Variants in OSBPL10 observed in about 807,000 individuals in gnomAD.
The protein encoded by OSBPL10 is oxysterol-binding protein-related protein 10.
OSBPL10 carries 49 observed loss-of-function variants against 81.7 expected under a neutral mutation model. The ratio of observed to expected loss-of-function variants is 0.60; its 90% CI spans 0.48 to 0.76. OSBPL10 has a LOEUF of 0.76. Among genes scored for constraint, OSBPL10 ranks in the 30% least tolerant of loss-of-function variants. OSBPL10 has a pLI of 0.00. For synonymous variants in OSBPL10, 419 were observed against 383.6 expected (o/e 1.09, Z -1.08); for missense variants, 923 against 987.8 (o/e 0.93, Z 0.88).
At chr3:31,710,372 C>T (rs1696212276) in intron 6 of OSBPL10, among the ~76,000 whole-genome samples, 6 of 152,152 alleles carry the variant, frequency 3.9e-5, no homozygotes, top group Non-Finnish European at 8.8e-5. Context: ...GAGGTTGCTG[C>T]TAACACTCCT....
chr3:31,768,866 T>C (rs76775361), intron 4 of OSBPL10, among the ~76,000 whole-genome samples: 4,104 of 152,310 alleles, frequency 0.027, 196 homozygotes, highest in African/African-American at 0.093. Context: ...AGCATTCACA[T>C]TGGGTAGGTA....
chr3:31,929,983 A>G (rs966010809), intron 1 of OSBPL10, among the ~76,000 whole-genome samples: 3 of 125,214 alleles, frequency 2.4e-5, no homozygotes, highest in African/African-American at 6.0e-5. Flanking sequence ...TGGGTGATCA[A>G]GTGAGACCCT....
intron 2 of OSBPL10, among the ~76,000 whole-genome samples, chr3:32,043,155 A>G (rs1401467715): frequency 6.6e-6 from 1 of 152,154 alleles, no homozygotes; most frequent in Non-Finnish European, 1.5e-5. Flanking sequence ...AGCTGTTTAT[A>G]GACCTCCCCC....
chr3:31,735,562 A>G (rs778524768), intron 5 of OSBPL10, among the ~76,000 whole-genome samples: 1 of 152,190 alleles, frequency 6.6e-6, no homozygotes, highest in Non-Finnish European at 1.5e-5. Context: ...CCCATTGCTT[A>G]GTATGCTCAA....
intron 4 of OSBPL10, among the ~76,000 whole-genome samples, chr3:31,766,962 T>C (rs907187555): frequency 2.0e-5 from 3 of 152,130 alleles, no homozygotes; most frequent in Non-Finnish European, 2.9e-5. Context: ...GAAAAGCCAA[T>C]AGAATCTGCC....
chr3:31,845,351 C>T (rs1700602842), intron 3 of OSBPL10, among the ~76,000 whole-genome samples: 1 of 151,822 alleles, frequency 6.6e-6, no homozygotes, highest in Admixed American at 6.6e-5. Context: ...GGTAACTGGA[C>T]AAAAACTGAG....
At chr3:31,688,280 C>CTT (rs1700846159) in intron 7 of OSBPL10, among the ~76,000 whole-genome samples, 2 of 78,538 alleles carry the variant, frequency 2.5e-5, no homozygotes, top group Admixed American at 3.3e-4. Flanking sequence ...CTCTCTCTCT[C>CTT]TCTCACACAC....
intron 3 of OSBPL10, among the ~76,000 whole-genome samples, chr3:31,843,049 A>G (rs1030758096): frequency 3.9e-5 from 6 of 152,246 alleles, no homozygotes; most frequent in Non-Finnish European, 7.3e-5. Flanking sequence ...ACACCTCTCA[A>G]TCCACATTTT....
At chr3:31,949,667 CAAAAAAAAAAAAA>C (rs56002214) in intron 1 of OSBPL10, among the ~76,000 whole-genome samples, 91 of 26,252 alleles carry the variant, frequency 3.5e-3, no homozygotes, top group Admixed American at 2.5e-3. Flanking sequence ...GACTCTGTCT[CAAAAAAAAAAAAA>C]AAAAAAAAAA....
rs540751388 is a variant in OSBPL10 at position 31,999,349 on chromosome 3, A to G, written n.298+47142T>C. On this transcript the variant is annotated intron_variant and non_coding_transcript_variant, in intron 2 of 3. Transcript: ENST00000479173. ...GCTTTGGGAGACTTTTCAGATAAAAATATCAAAATCTTTTTTTTTTTTTTT... is the reference window on the plus strand; with the variant it reads ...GCTTTGGGAGACTTTTCAGATAAAAGTATCAAAATCTTTTTTTTTTTTTTT... Among the ~76,000 whole-genome samples the G allele has an allele frequency of 5.8e-4, 86 of 148,766 alleles. 1 individual carries two copies. The South Asian group carries it at 0.017, about 30-fold the overall frequency.
At chr3:31,966,278 TACA>T (rs1698399919) in intron 1 of OSBPL10, among the ~76,000 whole-genome samples, 1 of 150,356 alleles carries the variant, frequency 6.7e-6, no homozygotes, top group African/African-American at 2.4e-5. Flanking sequence ...AAAATAGAAA[TACA>T]ACATATCAAA....
Position 31,741,194 on chromosome 3 carries a change from T to C in OSBPL10, c.940+6716A>G, listed in dbSNP as rs972088262. On this transcript the variant is annotated intron_variant, in intron 5 of 11. Coordinates refer to ENST00000396556, the MANE Select transcript of OSBPL10 (RefSeq NM_017784.5). ...AATAAGATTGAAATTCACAAAAAGA[T>C]TGAATTTTCACTTGAAACCATTTAA... 2.8e-4 allele frequency among the ~76,000 whole-genome samples: 42 copies of C among 152,326 alleles called. 1 individual carries two copies. The highest frequency in any genetic ancestry group is 9.4e-4 in the African/African-American group (39 of 41,578).
chr3:31,958,582 A>C (rs1415089480), intron 1 of OSBPL10, among the ~76,000 whole-genome samples: 2 of 152,196 alleles, frequency 1.3e-5, no homozygotes, highest in African/African-American at 2.4e-5. Context: ...TCCCAAAAAA[A>C]GTCTTTATAT....
chr3:32,053,101 G>A (rs1699681640), intron 1 of OSBPL10, among the ~76,000 whole-genome samples: 1 of 152,180 alleles, frequency 6.6e-6, no homozygotes, highest in South Asian at 2.1e-4. Flanking sequence ...TCTGTCTGGT[G>A]TCCTAGGCTC....
intron 3 of OSBPL10, among the ~76,000 whole-genome samples, chr3:31,851,568 C>G (rs1046650435): frequency 6.6e-6 from 1 of 152,234 alleles, no homozygotes; most frequent in Admixed American, 6.5e-5. Context: ...CAGACCAGCA[C>G]GACTCACACG....
chr3:31,752,179 C>A (rs1177174639), intron 4 of OSBPL10, among the ~76,000 whole-genome samples: 1 of 152,188 alleles, frequency 6.6e-6, no homozygotes, highest in Non-Finnish European at 1.5e-5. Flanking sequence ...AACAGACTCA[C>A]CTAGATCTCC....
intron 3 of OSBPL10, among the ~76,000 whole-genome samples, chr3:31,843,216 T>C (rs147998066): frequency 6.6e-6 from 1 of 152,338 alleles, no homozygotes; most frequent in Non-Finnish European, 1.5e-5. Context: ...AATCTAGGCA[T>C]GCAAGAGAGA....
chr3:31,895,952 T>C lies in OSBPL10; in HGVS notation c.282-16122A>G, dbSNP rs143629817. Among the ~76,000 whole-genome samples the C allele has an allele frequency of 2.3e-3, 346 of 152,334 alleles. 2 individuals carry two copies. Among genetic ancestry groups the C allele is most frequent in the African/African-American group, 8.0e-3 (331 of 41,578 alleles). ...CCTGTTTCAGCAATGCACTCAGTAA[T>C]TGCTGAGAATAGTTCAACACTGCTG... On this transcript the variant is annotated intron_variant, in intron 1 of 11. Coordinates refer to ENST00000396556, the MANE Select transcript of OSBPL10 (RefSeq NM_017784.5).
chr3:31,675,636 C>A (rs981902682), intron 8 of OSBPL10, among the ~76,000 whole-genome samples: 2 of 152,152 alleles, frequency 1.3e-5, no homozygotes, highest in Non-Finnish European at 2.9e-5. Flanking sequence ...ATGGGTATCA[C>A]CAACTGGCAA....
Sources: gnomAD v4.1 joint callset for allele counts (sites outside exome capture counted in the v4.1 genomes callset) on GRCh38, gnomAD v4.1.1 for gene constraint, MANE v1.5 for transcripts, NCBI Gene and HGNC (gene_info 2026-07-23, HGNC 2026-07-21) for gene names.